SLC25A48: variants seen among roughly 807,000 people sequenced by gnomAD.
The protein encoded by SLC25A48 is CTC-321K16.1.
In SLC25A48, 29 loss-of-function variants were observed where a neutral mutation model predicts 32.2. The observed-to-expected ratio is 0.90, with a 90% CI of 0.67 to 1.23. The LOEUF (loss-of-function observed/expected upper bound fraction) is 1.23. Among genes scored for constraint, SLC25A48 ranks in the 50% most tolerant of loss-of-function variants. The pLI, the probability that SLC25A48 is intolerant of heterozygous loss-of-function variation, is 0.00. For missense variants in SLC25A48, 399 were observed against 422.7 expected (o/e 0.94, Z 0.49); for synonymous variants, 164 against 172.3 (o/e 0.95, Z 0.38).
At chr5:135,864,443 C>A (rs976491806) in intron 4 of SLC25A48, among the ~76,000 whole-genome samples, 1 of 152,198 alleles carries the variant, frequency 6.6e-6, no homozygotes, top group Non-Finnish European at 1.5e-5. Context: ...CCTGAAGGGA[C>A]ACACAACCCT....
intron 3 of SLC25A48, among the ~76,000 whole-genome samples, chr5:135,785,761 C>T (rs1372745637): frequency 6.7e-6 from 1 of 148,500 alleles, no homozygotes; most frequent in East Asian, 2.1e-4. Flanking sequence ...GGTGAAACAT[C>T]CCGCTTGCCC....
intron 3 of SLC25A48, among the ~76,000 whole-genome samples, chr5:135,766,189 G>A (rs1756220924): frequency 6.6e-6 from 1 of 151,308 alleles, no homozygotes; most frequent in Non-Finnish European, 1.5e-5. Context: ...GTGTAGTATG[G>A]TTTGTAATAT....
chr5:135,730,900 C>T (rs1561466964), intron 3 of SLC25A48, among the ~76,000 whole-genome samples: 1 of 152,118 alleles, frequency 6.6e-6, no homozygotes, highest in Non-Finnish European at 1.5e-5. Flanking sequence ...TCAGAGGGGA[C>T]CAGTTCAATA....
chr5:135,607,254 AG>A (rs1751960388), intron 1 of SLC25A48, among the ~76,000 whole-genome samples: 1 of 152,228 alleles, frequency 6.6e-6, no homozygotes, highest in Non-Finnish European at 1.5e-5. Context: ...TAGCAAAAAT[AG>A]TGGACATCAA....
intron 4 of SLC25A48, among the ~76,000 whole-genome samples, chr5:135,870,867 A>G (rs1761580390): frequency 6.6e-6 from 1 of 151,762 alleles, no homozygotes. Context: ...TTATTTCCAA[A>G]TAATTTTAAT....
chr5:135,591,293 G>A (rs925972196), intron 1 of SLC25A48, among the ~76,000 whole-genome samples: 12 of 152,340 alleles, frequency 7.9e-5, no homozygotes, highest in East Asian at 7.7e-4. Context: ...AGCAGAGAAG[G>A]GACTTACTCA....
intron 3 of SLC25A48, among the ~76,000 whole-genome samples, chr5:135,653,172 C>T (rs550069935): frequency 4.6e-4 from 70 of 152,272 alleles, no homozygotes; most frequent in African/African-American, 1.6e-3. Context: ...AATTTCTGTT[C>T]TTTATAAATT....
At chr5:135,827,713 G>C (rs956376915) in intron 4 of SLC25A48, among the ~76,000 whole-genome samples, 5 of 151,982 alleles carry the variant, frequency 3.3e-5, no homozygotes, top group Admixed American at 2.6e-4. Flanking sequence ...TGTCATTTTA[G>C]TTTGGGGCCT....
chr5:135,620,135 C>T (rs1039861227), intron 1 of SLC25A48, among the ~76,000 whole-genome samples: 1 of 152,186 alleles, frequency 6.6e-6, no homozygotes, highest in African/African-American at 2.4e-5. Flanking sequence ...TGGCATAGTT[C>T]TGACAGCTTG....
At chr5:135,724,082 G>A (rs1755033282) in intron 3 of SLC25A48, among the ~76,000 whole-genome samples, 3 of 152,182 alleles carry the variant, frequency 2.0e-5, no homozygotes, top group Admixed American at 2.0e-4. Flanking sequence ...AGCACAACCA[G>A]AGACTGTCCT....
intron 3 of SLC25A48, among the ~76,000 whole-genome samples, chr5:135,781,538 C>G (rs955060556): frequency 8.5e-6 from 1 of 117,330 alleles, no homozygotes; most frequent in Non-Finnish European, 2.1e-5. Flanking sequence ...TTCCTAATAT[C>G]AAAAGGCGGA....
At chr5:135,711,446 G>A (rs1462329324) in intron 3 of SLC25A48, among the ~76,000 whole-genome samples, 2 of 152,176 alleles carry the variant, frequency 1.3e-5, no homozygotes, top group Non-Finnish European at 2.9e-5. Flanking sequence ...TCTGGGAGAA[G>A]AATTACAAGC....
Position 135,834,735 on chromosome 5 carries a change from G to T in SLC25A48, c.-113G>T, listed in dbSNP as rs191890954. ...CTGGGTTTGGAGTAGGACCTGCGGCGTGCTCGAGACTCCGACTTCGGTCTT... is the reference window on the plus strand; with the variant it reads ...CTGGGTTTGGAGTAGGACCTGCGGCTTGCTCGAGACTCCGACTTCGGTCTT... On this transcript the variant is annotated 5_prime_UTR_variant, in exon 1 of 8. Coordinates refer to ENST00000681962, the MANE Select transcript of SLC25A48 (RefSeq NM_001349336.2). 1 of 1,181,746 alleles carries T rather than the reference G, an allele frequency of 8.5e-7. No individual in the cohort carries two copies. The highest frequency in any genetic ancestry group is 1.6e-5 in the South Asian group (1 of 63,600). The allele number at this position is 1,181,746 out of a possible 1,614,324, so 73.2% of individuals were successfully genotyped here.
At chr5:135,694,999 G>A (rs1244364716) in intron 3 of SLC25A48, among the ~76,000 whole-genome samples, 3 of 152,150 alleles carry the variant, frequency 2.0e-5, no homozygotes, top group African/African-American at 7.2e-5. Flanking sequence ...AGCTGCTTGG[G>A]CCCATCACCC....
chr5:135,803,609 G>GT (rs1561501158), intron 3 of SLC25A48, among the ~76,000 whole-genome samples: 1 of 151,202 alleles, frequency 6.6e-6, no homozygotes, highest in African/African-American at 2.5e-5. Context: ...TAATATTACA[G>GT]TGGGTGTACA....
At chr5:135,662,702 C>CTCT in intron 3 of SLC25A48, among the ~76,000 whole-genome samples, 1 of 151,724 alleles carries the variant, frequency 6.6e-6, no homozygotes, top group Admixed American at 6.6e-5. Flanking sequence ...CTGCCTCTCC[C>CTCT]CCTCAGGTCC....
intron 3 of SLC25A48, among the ~76,000 whole-genome samples, chr5:135,646,036 G>A (rs1486174534): frequency 2.6e-5 from 4 of 152,022 alleles, no homozygotes; most frequent in Non-Finnish European, 2.9e-5. Context: ...CTGTTTGTGT[G>A]AAAAAGAGCC....
intron 4 of SLC25A48, among the ~76,000 whole-genome samples, chr5:135,821,424 A>G (rs984010844): frequency 3.3e-5 from 5 of 152,184 alleles, no homozygotes; most frequent in Admixed American, 6.5e-5. Context: ...GAGGCACCCC[A>G]GAGAGCAGCG....
intron 3 of SLC25A48, among the ~76,000 whole-genome samples, chr5:135,706,825 A>T (rs1349834743): frequency 6.6e-6 from 1 of 152,178 alleles, no homozygotes; most frequent in Non-Finnish European, 1.5e-5. Flanking sequence ...CACGAAAGAG[A>T]TGAGGAACAC....
Sources: gnomAD v4.1 joint callset for allele counts (sites outside exome capture counted in the v4.1 genomes callset) on GRCh38, gnomAD v4.1.1 for gene constraint, MANE v1.5 for transcripts, NCBI Gene and HGNC (gene_info 2026-07-23, HGNC 2026-07-21) for gene names.